Variants in ATP8A2 observed in about 807,000 individuals in gnomAD.
ATP8A2 encodes ATPase phospholipid transporting 8A2.
Under a neutral mutation model 165.6 loss-of-function variants are expected in ATP8A2, and 100 were observed. That is an observed-to-expected ratio of 0.60 (90% CI 0.51 to 0.71). The LOEUF is 0.71. Among genes scored for constraint, ATP8A2 ranks in the 30% least tolerant of loss-of-function variants. The pLI, the probability that ATP8A2 is intolerant of heterozygous loss-of-function variation, is 0.00. For synonymous variants in ATP8A2, 543 were observed against 548.8 expected (o/e 0.99, Z 0.15); for missense variants, 1,227 against 1,479.5 (o/e 0.83, Z 2.80).
At chr13:25,954,034 G>C (rs1252592340) in intron 33 of ATP8A2, among the ~76,000 whole-genome samples, 1 of 152,152 alleles carries the variant, frequency 6.6e-6, no homozygotes, top group Non-Finnish European at 1.5e-5. Flanking sequence ...AAAGGGGGCT[G>C]AAGCCAGGGA....
intron 2 of ATP8A2, 38 bp downstream of exon 2, chr13:25,469,159 A>C: frequency 2.5e-6 from 4 of 1,608,000 alleles, no homozygotes; most frequent in Non-Finnish European, 3.4e-6. Context: ...AAGGCGGTGG[A>C]GTCACAGCTG....
intron 25 of ATP8A2, among the ~76,000 whole-genome samples, chr13:25,765,490 A>G (rs1412731120): frequency 6.6e-6 from 1 of 152,176 alleles, no homozygotes; most frequent in Admixed American, 6.5e-5. Flanking sequence ...GTGCCTCTTC[A>G]TTTCTGTAGA....
chr13:25,521,361 C>T (rs2037665999), intron 2 of ATP8A2, among the ~76,000 whole-genome samples: 9 of 152,134 alleles, frequency 5.9e-5, no homozygotes, highest in Admixed American at 5.2e-4. Flanking sequence ...CTTCATTCTG[C>T]AGGAGGTTTT....
At chr13:25,414,964 A>G (rs2034089971) in intron 1 of ATP8A2, among the ~76,000 whole-genome samples, 1 of 152,224 alleles carries the variant, frequency 6.6e-6, no homozygotes. Context: ...CCAGGGGAGC[A>G]CACACATTGC....
intron 1 of ATP8A2, among the ~76,000 whole-genome samples, chr13:25,439,010 A>G (rs771640407): frequency 6.6e-6 from 1 of 152,242 alleles, no homozygotes; most frequent in African/African-American, 2.4e-5. Context: ...CACGAGAATT[A>G]GTGTCCATTA....
intron 27 of ATP8A2, among the ~76,000 whole-genome samples, chr13:25,817,540 T>C (rs1951059530): frequency 6.6e-6 from 1 of 152,192 alleles, no homozygotes; most frequent in Non-Finnish European, 1.5e-5. Flanking sequence ...CTTGCGTTAG[T>C]TGGGATTTTA....
rs1448985062 is a variant in ATP8A2 at position 25,448,770 on chromosome 13, C to CT, written c.77-20206dup. ...GTTCAAGTGATTGTCCTTTCTCAGCCTCCTGAGTAGCTGGGAATACAGGCA... is the reference window on the plus strand; with the variant it reads ...GTTCAAGTGATTGTCCTTTCTCAGCCTTCCTGAGTAGCTGGGAATACAGGCA... On this transcript the variant is annotated intron_variant, in intron 1 of 36. Transcript: ENST00000381655. Among the ~76,000 whole-genome samples the CT allele has an allele frequency of 3.9e-5, 6 of 152,162 alleles. 1 individual carries two copies. Among genetic ancestry groups the CT allele is most frequent in the Admixed American group, 2.0e-4 (3 of 15,280 alleles).
intron 2 of ATP8A2, among the ~76,000 whole-genome samples, chr13:25,476,582 G>A (rs6491059): frequency 0.021 from 3,227 of 152,186 alleles, 117 homozygotes; most frequent in African/African-American, 0.073. Context: ...GAGCCATGAC[G>A]CCTGACAGAA....
intron 25 of ATP8A2, among the ~76,000 whole-genome samples, chr13:25,718,860 CTT>C (rs1227631149): frequency 6.6e-6 from 1 of 152,160 alleles, no homozygotes; most frequent in African/African-American, 2.4e-5. Context: ...TTGGTTGGCT[CTT>C]TGCATTGATT....
chr13:26,018,911 A>G (rs1566357983), intron 36 of ATP8A2, among the ~76,000 whole-genome samples: 1 of 152,258 alleles, frequency 6.6e-6, no homozygotes, highest in Non-Finnish European at 1.5e-5. Flanking sequence ...TCTTAGACAC[A>G]TGGCATTTAA....
chr13:25,527,402 C>T (rs2137884007), intron 2 of ATP8A2, among the ~76,000 whole-genome samples: 1 of 152,206 alleles, frequency 6.6e-6, no homozygotes, highest in South Asian at 2.1e-4. Context: ...AATAAGCTCT[C>T]CAGGAGACTG....
intron 1 of ATP8A2, among the ~76,000 whole-genome samples, chr13:25,446,262 A>G (rs907109761): frequency 1.3e-5 from 2 of 151,958 alleles, no homozygotes; most frequent in African/African-American, 4.8e-5. Flanking sequence ...ATGGCTCATA[A>G]CTCTAATGGT....
chr13:25,966,426 T>A (rs1177613429), intron 34 of ATP8A2, among the ~76,000 whole-genome samples: 21 of 152,162 alleles, frequency 1.4e-4, no homozygotes. Context: ...AGGGGAGATT[T>A]TAGAATCAGT....
At chr13:25,393,911 T>C (rs1017446366) in intron 1 of ATP8A2, among the ~76,000 whole-genome samples, 5 of 152,200 alleles carry the variant, frequency 3.3e-5, no homozygotes, top group African/African-American at 1.2e-4. Flanking sequence ...ATCTTGAACA[T>C]TGATCATGGG....
intron 2 of ATP8A2, among the ~76,000 whole-genome samples, chr13:25,504,733 C>G (rs1315774591): frequency 1.7e-5 from 2 of 116,224 alleles, no homozygotes. Context: ...GGCGACAGAG[C>G]GAGACTCCGT....
At chr13:25,895,428 G>A (rs1312481626) in intron 33 of ATP8A2, among the ~76,000 whole-genome samples, 3 of 152,078 alleles carry the variant, frequency 2.0e-5, no homozygotes, top group East Asian at 1.9e-4. Context: ...TGCTGGATTC[G>A]GTTTGCCAGT....
chr13:25,575,587 T>C (rs1196038921), intron 19 of ATP8A2, among the ~76,000 whole-genome samples: 1 of 152,250 alleles, frequency 6.6e-6, no homozygotes, highest in East Asian at 1.9e-4. Context: ...TATAAAGCTC[T>C]GTCTGCTTTA....
chr13:25,577,063 TCC>T lies in ATP8A2; in HGVS notation c.1713-4_1713-3del. ...AATGATGACTTTTTTTTTTTCACTCTCCCAGTGACAGAAAAAGAATGTCTGTA... is the reference window on the plus strand; with the variant it reads ...AATGATGACTTTTTTTTTTTCACTCTCAGTGACAGAAAAAGAATGTCTGTA... On this transcript the variant is annotated splice_polypyrimidine_tract_variant and splice_region_variant and intron_variant, in intron 19 of 36. Transcript: ENST00000381655. 1 of 1,611,564 alleles carries T rather than the reference TCC, an allele frequency of 6.2e-7. No homozygotes were observed. Among genetic ancestry groups the T allele is most frequent in the Admixed American group, 1.7e-5 (1 of 59,954 alleles).
At position 25,405,345 on chromosome 13, in the gene ATP8A2, G is replaced by A. The variant is rs151000951; in HGVS notation, c.76+33057G>A. ...GTCCTGAAGAGAAATGGGATCTACC[G>A]CATATGATGAGTCATGGATGCCCTT... On this transcript the variant is annotated intron_variant, in intron 1 of 36. Coordinates refer to ENST00000381655, the MANE Select transcript of ATP8A2 (RefSeq NM_016529.6). Among the ~76,000 whole-genome samples, 169 of 152,324 alleles carry A rather than the reference G, an allele frequency of 1.1e-3. 1 individual carries two copies. The highest frequency in any genetic ancestry group is 3.4e-3 in the Middle Eastern group (1 of 294).
Sources: allele counts gnomAD v4.1 joint callset (sites outside exome capture counted in the v4.1 genomes callset), GRCh38; gene constraint gnomAD v4.1.1; transcripts MANE v1.5; gene names NCBI Gene and HGNC (gene_info 2026-07-23, HGNC 2026-07-21).